Variants in KAT2B observed in about 807,000 individuals in gnomAD.
KAT2B encodes the protein lysine acetyltransferase 2B.
Under a neutral mutation model 105.9 loss-of-function variants are expected in KAT2B, and 36 were observed. The ratio of observed to expected loss-of-function variants is 0.34; its 90% CI spans 0.26 to 0.45. KAT2B has a LOEUF of 0.45. Among genes scored for constraint, KAT2B ranks in the 20% least tolerant of loss-of-function variants. The pLI is 1.00. For missense variants in KAT2B, 820 were observed against 1,021.6 expected (o/e 0.80, Z 2.69); for synonymous variants, 397 against 377.9 (o/e 1.05, Z -0.59).
intron 2 of KAT2B, among the ~76,000 whole-genome samples, chr3:20,087,032 G>C (rs1698631496): frequency 6.6e-6 from 1 of 152,088 alleles, no homozygotes; most frequent in Admixed American, 6.6e-5. Context: ...CACCTGCCTT[G>C]GCCTTCCAAA....
At chr3:20,106,246 T>C (rs374077988) in intron 5 of KAT2B, among the ~76,000 whole-genome samples, 1 of 152,386 alleles carries the variant, frequency 6.6e-6, no homozygotes, top group East Asian at 1.9e-4. Context: ...ACCATCTTTA[T>C]TAGACATACA....
intron 2 of KAT2B, among the ~76,000 whole-genome samples, chr3:20,079,058 A>AATT (rs747840974): frequency 8.3e-5 from 12 of 144,242 alleles, no homozygotes; most frequent in South Asian, 2.2e-4. Flanking sequence ...TAATTTTTAT[A>AATT]ATTATTATTA....
chr3:20,047,870 C>G (rs1431105290), intron 1 of KAT2B, among the ~76,000 whole-genome samples: 1 of 152,222 alleles, frequency 6.6e-6, no homozygotes, highest in East Asian at 1.9e-4. Context: ...TCTGCCTGCG[C>G]CTCCTGAAGT....
chr3:20,101,159 A>C, intron 4 of KAT2B, 128 bp from the exon 5 acceptor site: 32 of 703,196 alleles, frequency 4.6e-5, no homozygotes, highest in Non-Finnish European at 6.5e-5. Context: ...GGGAAAAGGA[A>C]GAGATTTTTG....
intron 2 of KAT2B, among the ~76,000 whole-genome samples, chr3:20,091,445 C>G (rs1698716753): frequency 1.3e-5 from 2 of 151,936 alleles, no homozygotes; most frequent in Non-Finnish European, 2.9e-5. Flanking sequence ...AAAGAACCAA[C>G]TTTTAGTTTT....
At chr3:20,129,676 T>G (rs1272007666) in intron 11 of KAT2B, among the ~76,000 whole-genome samples, 1 of 152,172 alleles carries the variant, frequency 6.6e-6, no homozygotes, top group African/African-American at 2.4e-5. Flanking sequence ...ACACCCAGCC[T>G]TATACTAACT....
chr3:20,101,910 G>A (rs1415907545), intron 5 of KAT2B, among the ~76,000 whole-genome samples: 2 of 152,144 alleles, frequency 1.3e-5, no homozygotes, highest in African/African-American at 4.8e-5. Flanking sequence ...AAATCCATAT[G>A]TGGCTTGTGT....
At chr3:20,066,431 A>T (rs1351398474) in intron 1 of KAT2B, among the ~76,000 whole-genome samples, 1 of 151,962 alleles carries the variant, frequency 6.6e-6, no homozygotes, top group Admixed American at 6.6e-5. Flanking sequence ...AGACAGTCTC[A>T]CTCTGTCACC....
At chr3:20,108,171 T>G (rs1699056639) in intron 5 of KAT2B, among the ~76,000 whole-genome samples, 1 of 152,192 alleles carries the variant, frequency 6.6e-6, no homozygotes, top group Admixed American at 6.5e-5. Context: ...CAATTAAAAC[T>G]AAATGGAGTC....
chr3:20,098,077 A>AAATT (rs1412574966), intron 3 of KAT2B, among the ~76,000 whole-genome samples: 1 of 151,904 alleles, frequency 6.6e-6, no homozygotes, highest in Non-Finnish European at 1.5e-5. Context: ...AAAAATACAA[A>AAATT]AATTAGCCAG....
intron 5 of KAT2B, among the ~76,000 whole-genome samples, chr3:20,109,055 T>G (rs895245293): frequency 6.6e-6 from 1 of 152,192 alleles, no homozygotes; most frequent in Non-Finnish European, 1.5e-5. Context: ...TCTAGGTTTG[T>G]GTAGGTACAC....
intron 11 of KAT2B, among the ~76,000 whole-genome samples, chr3:20,134,420 C>T (rs921889188): frequency 9.3e-5 from 14 of 150,634 alleles, no homozygotes; most frequent in African/African-American, 2.0e-4. Context: ...TTGTTTGAGA[C>T]GGAGTCTCGC....
chr3:20,082,874 A>C (rs1698544472), intron 2 of KAT2B, among the ~76,000 whole-genome samples: 1 of 152,220 alleles, frequency 6.6e-6, no homozygotes, highest in Non-Finnish European at 1.5e-5. Flanking sequence ...AAAGACTAAC[A>C]TCTTAAAAAC....
At chr3:20,094,485 ATT>A (rs1461914871) in intron 2 of KAT2B, among the ~76,000 whole-genome samples, 1 of 152,114 alleles carries the variant, frequency 6.6e-6, no homozygotes, top group Non-Finnish European at 1.5e-5. Context: ...GTAAAATGCA[ATT>A]ACTAATACCG....
At chr3:20,086,753 T>C (rs1034479063) in intron 2 of KAT2B, among the ~76,000 whole-genome samples, 1 of 152,176 alleles carries the variant, frequency 6.6e-6, no homozygotes, top group Admixed American at 6.5e-5. Flanking sequence ...CCCTTTAAAC[T>C]GTCTTCCTCT....
At chr3:20,047,817 T>C (rs759599161) in intron 1 of KAT2B, among the ~76,000 whole-genome samples, 2 of 151,998 alleles carry the variant, frequency 1.3e-5, no homozygotes, top group African/African-American at 2.4e-5. Context: ...GGTTTCACCA[T>C]GTTGGCCAGG....
chr3:20,119,133 C>A (rs1343463030), intron 7 of KAT2B, among the ~76,000 whole-genome samples: 1 of 151,978 alleles, frequency 6.6e-6, no homozygotes, highest in Non-Finnish European at 1.5e-5. Context: ...ACCACCTTTC[C>A]TTTTTAATCA....
chr3:20,059,237 A>AC (rs1423307728), intron 1 of KAT2B, among the ~76,000 whole-genome samples: 1 of 151,456 alleles, frequency 6.6e-6, no homozygotes, highest in Non-Finnish European at 1.5e-5. Flanking sequence ...ACATGGTGAA[A>AC]CCCCGTCTCT....
chr3:20,115,748 T>C lies in KAT2B; in HGVS notation c.1150+760T>C, dbSNP rs542248177. 1.7e-4 allele frequency among the ~76,000 whole-genome samples: 26 copies of C among 152,306 alleles called. No individual in the cohort carries two copies. The South Asian group carries it at 5.2e-3, about 30-fold the overall frequency. On this transcript the variant is annotated intron_variant, in intron 7 of 17. Coordinates refer to ENST00000263754, the MANE Select transcript of KAT2B (RefSeq NM_003884.5). Reference sequence around the variant, plus strand: ...GAACAGTGGCCTCCTTCCAGACAGATTGCCTTGTACTTCTCTATAGTGCAT... The same window carrying C: ...GAACAGTGGCCTCCTTCCAGACAGACTGCCTTGTACTTCTCTATAGTGCAT...
Sources: gnomAD v4.1 joint callset for allele counts (sites outside exome capture counted in the v4.1 genomes callset) on GRCh38, gnomAD v4.1.1 for gene constraint, MANE v1.5 for transcripts, NCBI Gene and HGNC (gene_info 2026-07-23, HGNC 2026-07-21) for gene names.